The following ZNF143 variants were observed in gnomAD, a reference collection of about 807,000 sequenced individuals.
The protein encoded by ZNF143 is zinc finger protein 143.
In ZNF143, 49 loss-of-function variants were observed where a neutral mutation model predicts 74.1. The ratio of observed to expected loss-of-function variants is 0.66; its 90% CI spans 0.53 to 0.84. The LOEUF (loss-of-function observed/expected upper bound fraction) is 0.84, where lower values mean the gene tolerates loss of function less well. Ranked by LOEUF, ZNF143 falls within the 40% of genes least tolerant of loss-of-function variation. The pLI, the probability that ZNF143 is intolerant of heterozygous loss-of-function variation, is 0.00. For synonymous variants in ZNF143, 304 were observed against 282.8 expected, an observed-to-expected ratio of 1.07 and a Z score of -0.75; for missense variants, 637 against 793.4, an observed-to-expected ratio of 0.80 and a Z score of 2.37.
intron 14 of ZNF143, 31 bp from the exon 15 acceptor site, chr11:9,525,209 T>C (rs764974989): frequency 2.5e-6 from 4 of 1,613,378 alleles, no homozygotes; most frequent in Non-Finnish European, 3.4e-6. Context: ...TTTAATTCTT[T>C]ATGTGTATGG....
chr11:9,478,870 G>A (rs930183974), intron 6 of ZNF143, among the ~76,000 whole-genome samples: 1 of 152,010 alleles, frequency 6.6e-6, no homozygotes, highest in African/African-American at 2.4e-5. Flanking sequence ...TTTATCTTAA[G>A]TGAAGTGTGG....
chr11:9,476,570 C>A (rs1430110236), intron 5 of ZNF143, among the ~76,000 whole-genome samples: 2 of 151,454 alleles, frequency 1.3e-5, no homozygotes, highest in Non-Finnish European at 2.9e-5. Context: ...TGGGGTTTCA[C>A]CATGTTGGTC....
intron 7 of ZNF143, 62 bp from the exon 8 acceptor site, chr11:9,494,584 T>G: frequency 1.3e-6 from 2 of 1,546,334 alleles, no homozygotes; most frequent in Non-Finnish European, 8.8e-7. Flanking sequence ...GTGCTAAGAT[T>G]ACTGGCATGA....
At chr11:9,474,178 C>G (rs190009748) in intron 4 of ZNF143, among the ~76,000 whole-genome samples, 154 bp downstream of exon 4, 39 of 152,260 alleles carry the variant, frequency 2.6e-4, no homozygotes, top group Admixed American at 2.3e-3. Flanking sequence ...TGGATCTTAA[C>G]CAAGACTTTC....
chr11:9,491,515 T>C (rs1847775793), intron 7 of ZNF143, among the ~76,000 whole-genome samples: 1 of 151,958 alleles, frequency 6.6e-6, no homozygotes, highest in African/African-American at 2.4e-5. Flanking sequence ...GGCGGGCGCC[T>C]CTAGTCCCAG....
intron 13 of ZNF143, among the ~76,000 whole-genome samples, chr11:9,515,610 C>T (rs976036488): frequency 1.6e-4 from 24 of 148,840 alleles, no homozygotes; most frequent in East Asian, 4.0e-4. Flanking sequence ...GCAGAGATTG[C>T]GCCACTGCAC....
intron 14 of ZNF143, among the ~76,000 whole-genome samples, chr11:9,524,287 A>G (rs1351865837): frequency 6.6e-6 from 1 of 152,038 alleles, no homozygotes; most frequent in African/African-American, 2.4e-5. Context: ...AATCCCCTCT[A>G]GTTTCTTCCT....
chr11:9,463,516 G>A (rs944044100), intron 1 of ZNF143, among the ~76,000 whole-genome samples: 2 of 152,178 alleles, frequency 1.3e-5, no homozygotes, highest in Non-Finnish European at 2.9e-5. Context: ...TGGTTTGCCT[G>A]TCTCTGATGG....
intron 14 of ZNF143, among the ~76,000 whole-genome samples, chr11:9,520,346 TA>T (rs1415160985): frequency 6.7e-6 from 1 of 148,896 alleles, no homozygotes; most frequent in Non-Finnish European, 1.5e-5. Flanking sequence ...TTTTTTTTTT[TA>T]ATTAGCAAAG....
At chr11:9,491,342 T>A (rs1191631088) in intron 7 of ZNF143, among the ~76,000 whole-genome samples, 2 of 152,088 alleles carry the variant, frequency 1.3e-5, no homozygotes, top group Non-Finnish European at 2.9e-5. Context: ...TTTTGTTTAT[T>A]AAGACAGGTG....
intron 5 of ZNF143, 93 bp from the exon 6 acceptor site, chr11:9,478,297 C>A: frequency 7.6e-7 from 1 of 1,323,632 alleles, no homozygotes; most frequent in Non-Finnish European, 1.1e-6. Flanking sequence ...AGAGTAACTA[C>A]TCAATAAAAG....
intron 8 of ZNF143, among the ~76,000 whole-genome samples, chr11:9,495,859 T>A (rs1159463992): frequency 6.6e-6 from 1 of 152,228 alleles, no homozygotes; most frequent in South Asian, 2.1e-4. Flanking sequence ...GTCCCCACTT[T>A]TCAGAGAGGC....
chr11:9,462,687 A>C (rs892789983), intron 1 of ZNF143, among the ~76,000 whole-genome samples: 1 of 152,076 alleles, frequency 6.6e-6, no homozygotes, highest in African/African-American at 2.4e-5. Context: ...CAGTCTGGTC[A>C]ACGTGGTGAA....
intron 7 of ZNF143, among the ~76,000 whole-genome samples, chr11:9,486,371 A>ATAATATATATAAT (rs1477531952): frequency 7.6e-4 from 28 of 36,716 alleles, no homozygotes; most frequent in African/African-American, 3.0e-3. Flanking sequence ...TATTATATAT[A>ATAATATATATAAT]ATATATTATA....
At chr11:9,476,500 G>C (rs1856898921) in intron 5 of ZNF143, among the ~76,000 whole-genome samples, 1 of 151,574 alleles carries the variant, frequency 6.6e-6, no homozygotes, top group Non-Finnish European at 1.5e-5. Context: ...AGCCTCCCAA[G>C]TAGCTGAGAT....
rs972671847 is a variant in ZNF143 at position 9,482,544 on chromosome 11, A to G, written c.645+2998A>G. Among the ~76,000 whole-genome samples, 5 of 151,588 alleles carry G rather than the reference A, an allele frequency of 3.3e-5. 1 individual carries two copies. The highest frequency in any genetic ancestry group is 3.3e-4 in the Admixed American group (5 of 15,242). ...CTCGGCCTCCCATAGTGCTGGGATT[A>G]TAGGCGTGAGCCAGCGCACCCGGCC... On this transcript the variant is annotated intron_variant, in intron 7 of 15. Transcript: ENST00000396602.
chr11:9,475,954 G>GTGTA (rs1258280284), intron 5 of ZNF143, among the ~76,000 whole-genome samples: 1 of 150,460 alleles, frequency 6.6e-6, no homozygotes, highest in Non-Finnish European at 1.5e-5. Flanking sequence ...GTGTGTGTGT[G>GTGTA]TATAAAATTT....
Position 9,478,382 on chromosome 11 carries a change from T to A in ZNF143, c.374-8T>A. On this transcript the variant is annotated splice_region_variant and splice_polypyrimidine_tract_variant and intron_variant, in intron 5 of 15. Coordinates refer to ENST00000396602, the MANE Select transcript of ZNF143 (RefSeq NM_003442.6). ...TTAATTTAATGGCATTCTCTTCCAC[T>A]CTCTCAGATAGTTATGACCAGAGTG... The A allele has an allele frequency of 6.3e-7, 1 of 1,597,954 alleles. No individual in the cohort carries two copies. The highest frequency in any genetic ancestry group is 8.6e-7 in the Non-Finnish European group (1 of 1,166,484).
Position 9,501,278 on chromosome 11 carries a change from T to C in ZNF143, c.1147+8T>C. The C allele has an allele frequency of 3.1e-6, 5 of 1,610,640 alleles. No homozygotes were observed. Among genetic ancestry groups the C allele is most frequent in the South Asian group, 1.1e-5 (1 of 90,800 alleles). ...ATGTGAGGATACACACAGGTAACAA[T>C]CTCTGATCTTTTGGTCTTTTATCTT... is the stretch of plus-strand genomic sequence containing the variant. On this transcript the variant is annotated splice_region_variant and intron_variant, in intron 11 of 15. Transcript: ENST00000396602.
Sources: allele counts gnomAD v4.1 joint callset (sites outside exome capture counted in the v4.1 genomes callset), GRCh38; gene constraint gnomAD v4.1.1; transcripts MANE v1.5; gene names NCBI Gene and HGNC (gene_info 2026-07-23, HGNC 2026-07-21).